Variants in KDR observed in about 807,000 individuals in gnomAD.
KDR encodes kinase insert domain receptor.
In KDR, 43 loss-of-function variants were observed where a neutral mutation model predicts 160.9. The observed-to-expected ratio is 0.27, with a 90% CI of 0.21 to 0.34. KDR has a LOEUF of 0.34. Ranked by LOEUF, KDR falls within the 10% of genes least tolerant of loss-of-function variation. The pLI is 1.00. For synonymous variants in KDR, 617 were observed against 600.1 expected (o/e 1.03, Z -0.41); for missense variants, 1,469 against 1,666.4 (o/e 0.88, Z 2.06).
At chr4:55,110,166 C>T (rs1357260579) in intron 9 of KDR, among the ~76,000 whole-genome samples, 1 of 152,194 alleles carries the variant, frequency 6.6e-6, no homozygotes, top group Non-Finnish European at 1.5e-5. Context: ...GGTATCACTA[C>T]TTTAATCTTG....
At chr4:55,115,096 C>A in intron 4 of KDR, 54 bp from the exon 5 acceptor site, 2 of 1,447,200 alleles carry the variant, frequency 1.4e-6, no homozygotes, top group East Asian at 2.3e-5. Flanking sequence ...AAATGAGAGC[C>A]ATGTACAATG....
chr4:55,120,721 T>C (rs904176415), intron 2 of KDR, among the ~76,000 whole-genome samples: 1 of 152,186 alleles, frequency 6.6e-6, no homozygotes, highest in African/African-American at 2.4e-5. Context: ...TCCCAAATTT[T>C]TTCAACTCTA....
In KDR at chr4:55,115,427, G is replaced by GT; in HGVS notation, c.359-17dup. ...GATCTGTAATCTAGAAGAAAATTTA[G>GT]TTTTATTAATGAGTTAATAGTATTT... On this transcript the variant is annotated splice_polypyrimidine_tract_variant and intron_variant, in intron 3 of 29. Transcript: ENST00000263923. 4.3e-6 allele frequency: 6 copies of GT among 1,387,444 alleles called. No homozygotes were observed. The highest frequency in any genetic ancestry group is 6.2e-6 in the Non-Finnish European group (6 of 974,448). The allele number at this position is 1,387,444 out of a possible 1,614,324, so 85.9% of individuals were successfully genotyped here.
chr4:55,090,256 A>G (rs1371920915), intron 22 of KDR, among the ~76,000 whole-genome samples, 178 bp from the exon 23 acceptor site: 1 of 152,208 alleles, frequency 6.6e-6, no homozygotes, highest in Non-Finnish European at 1.5e-5. Flanking sequence ...GCTGAGACAC[A>G]CATCTGCTTA....
At chr4:55,088,426 A>G (rs567487985) in intron 26 of KDR, among the ~76,000 whole-genome samples, 12 of 152,226 alleles carry the variant, frequency 7.9e-5, no homozygotes, top group Admixed American at 3.9e-4. Flanking sequence ...AGTAAACACT[A>G]CAACTCTAAA....
In KDR at chr4:55,098,133, G is replaced by A; in HGVS notation, c.2509+4C>T. ...TATCAAATTAATAGCAATTGAAAAT[G>A]CACCTAGCTTCAGCCGGTCTCTGGG... On this transcript the variant is annotated splice_donor_region_variant and intron_variant, in intron 17 of 29. Coordinates refer to ENST00000263923, the MANE Select transcript of KDR (RefSeq NM_002253.4). The A allele has an allele frequency of 6.2e-7, 1 of 1,613,840 alleles. No individual in the cohort carries two copies. The highest frequency in any genetic ancestry group is 8.5e-7 in the Non-Finnish European group (1 of 1,179,838).
intron 1 of KDR, among the ~76,000 whole-genome samples, chr4:55,122,498 G>A (rs1720909401): frequency 6.6e-6 from 1 of 152,122 alleles, no homozygotes; most frequent in South Asian, 2.1e-4. Flanking sequence ...AATAAATAGA[G>A]AGAGTATAAG....
chr4:55,080,595 G>T (rs183252534), intron 29 of KDR, among the ~76,000 whole-genome samples: 2 of 152,282 alleles, frequency 1.3e-5, no homozygotes, highest in Admixed American at 1.3e-4. Flanking sequence ...GGGAATTACG[G>T]GGCATGTGTA....
rs41279537 is a variant in KDR, at chr4:55,107,823, C to T, written c.1326G>A (p.Thr442=). 1.6e-4 allele frequency: 252 copies of T among 1,613,700 alleles called. No individual in the cohort carries two copies. Among genetic ancestry groups the T allele is most frequent in the Non-Finnish European group, 2.1e-4 (242 of 1,179,876 alleles). Reference sequence around the variant, plus strand: ...GAATGGCATAGACCGTACATGTCAGCGTTTGAGTGGTGCCGTACTGGTAGG... The same window carrying T: ...GAATGGCATAGACCGTACATGTCAGTGTTTGAGTGGTGCCGTACTGGTAGG... ...VDSYQYGTTQ[T]LTCTVYAIPP... Residue 442 remains threonine (T), a synonymous_variant, in exon 10 of 30, where the codon ACG becomes ACA. Transcript: ENST00000263923.
rs906626046 is a variant in KDR, at chr4:55,122,635, A to T, written c.68-1445T>A. On this transcript the variant is annotated intron_variant, in intron 1 of 29. Coordinates refer to ENST00000263923, the MANE Select transcript of KDR (RefSeq NM_002253.4). ...CACAGATGTGCAAAATAAGTTACTG[A>T]CATAACTGGTCAATATCATGGTTTT... Among the ~76,000 whole-genome samples, 5 of 152,240 alleles carry T rather than the reference A, an allele frequency of 3.3e-5. No individual in the cohort carries two copies. In the East Asian group the frequency reaches 5.8e-4, roughly 18 times the overall value.
rs761646311 is a variant in KDR, at chr4:55,089,995, C to T, written c.3153G>A (p.Arg1051=). ...VVKICDFGLA[R]DIYKDPDYVR... is the part of the protein sequence containing the mutation. ...CATAATCTGGATCTTTATAAATATC[C>T]CGGGCCAAGCCAAAGTCACAGATTT... is the stretch of plus-strand genomic sequence containing the variant. The change falls in exon 23 of 30, where the codon CGG becomes CGA. Residue 1051 remains arginine, a synonymous_variant. Transcript: ENST00000263923. 2 of 1,613,972 alleles carry T rather than the reference C, an allele frequency of 1.2e-6. No homozygotes were observed. Among genetic ancestry groups the T allele is most frequent in the East Asian group, 2.2e-5 (1 of 44,874 alleles).
At chr4:55,095,290 G>A (rs1651947751) in intron 20 of KDR, among the ~76,000 whole-genome samples, 1 of 152,130 alleles carries the variant, frequency 6.6e-6, no homozygotes, top group South Asian at 2.1e-4. Context: ...GGGAGAGACA[G>A]AATAACCCAG....
At chr4:55,082,987 T>A (rs906391395) in intron 27 of KDR, among the ~76,000 whole-genome samples, 1 of 152,200 alleles carries the variant, frequency 6.6e-6, no homozygotes, top group Non-Finnish European at 1.5e-5. Context: ...TCTGGATATA[T>A]TACTGAGTGT....
intron 27 of KDR, among the ~76,000 whole-genome samples, chr4:55,084,438 A>G (rs1263780067): frequency 6.6e-6 from 1 of 152,216 alleles, no homozygotes. Flanking sequence ...AGTTTGGACA[A>G]TAATTCAGCT....
Position 55,115,059 on chromosome 4 carries a change from C to T in KDR, c.490-17G>A. The T allele has an allele frequency of 6.2e-7, 1 of 1,602,724 alleles. No homozygotes were observed. The highest frequency in any genetic ancestry group is 8.5e-7 in the Non-Finnish European group (1 of 1,170,324). ...TGGGTATCTCTGGGTAATAAAAAGA[C>T]ATATCAAATATTTAATCCAGTACCA... On this transcript the variant is annotated splice_polypyrimidine_tract_variant and intron_variant, in intron 4 of 29. Transcript: ENST00000263923.
chr4:55,115,771 G>A (rs1038463588), intron 3 of KDR, among the ~76,000 whole-genome samples: 2 of 152,020 alleles, frequency 1.3e-5, no homozygotes, highest in African/African-American at 4.8e-5. Flanking sequence ...TCAAAATGAA[G>A]GATAATATTT....
intron 28 of KDR, 38 bp downstream of exon 28, chr4:55,082,498 G>T (rs2110005727): frequency 2.8e-6 from 4 of 1,418,604 alleles, no homozygotes; most frequent in South Asian, 1.1e-5. Flanking sequence ...TTCATCCTTT[G>T]TATTATTTCT....
In KDR at chr4:55,092,057, T is replaced by C. The variant is rs150082514; in HGVS notation, c.3069+560A>G. On this transcript the variant is annotated intron_variant, in intron 22 of 29. Coordinates refer to ENST00000263923, the MANE Select transcript of KDR (RefSeq NM_002253.4). ...TAAAATAAATTAAAAATGATTCTCATGCCAAGATATCTGTAAGGCTCAGCC... is the reference window on the plus strand; with the variant it reads ...TAAAATAAATTAAAAATGATTCTCACGCCAAGATATCTGTAAGGCTCAGCC... 2.7e-3 allele frequency among the ~76,000 whole-genome samples: 418 copies of C among 152,320 alleles called. 1 individual carries two copies. The highest frequency in any genetic ancestry group is 9.4e-3 in the African/African-American group (392 of 41,562).
At chr4:55,103,438 G>GGAAAACAAGTTGCT (rs1720364464) in intron 13 of KDR, among the ~76,000 whole-genome samples, 1 of 152,182 alleles carries the variant, frequency 6.6e-6, no homozygotes, top group Non-Finnish European at 1.5e-5. Flanking sequence ...CAAGTTAGGA[G>GGAAAACAAGTTGCT]TCCTTAGGGA....
Sources: allele counts gnomAD v4.1 joint callset (sites outside exome capture counted in the v4.1 genomes callset), GRCh38; gene constraint gnomAD v4.1.1; transcripts MANE v1.5; gene names NCBI Gene and HGNC (gene_info 2026-07-23, HGNC 2026-07-21).